The following FBXO41 variants were observed in gnomAD, a reference collection of about 807,000 sequenced individuals.
FBXO41 encodes F-box only protein 41.
A neutral mutation model predicts 81.6 loss-of-function variants in FBXO41; 33 were observed. The observed-to-expected ratio is 0.40, with a 90% confidence interval of 0.31 to 0.54. FBXO41 has a LOEUF of 0.54. FBXO41 is among the 20% of genes least tolerant of loss of function. The pLI, the probability that FBXO41 is intolerant of heterozygous loss-of-function variation, is 0.39. For synonymous variants in FBXO41, 576 were observed against 552.7 expected, an observed-to-expected ratio of 1.04 and a Z score of -0.59; for missense variants, 1,107 against 1,236.0, an observed-to-expected ratio of 0.90 and a Z score of 1.56.
intron 1 of FBXO41, among the ~76,000 whole-genome samples, chr2:73,271,755 C>T (rs1486610102): frequency 1.3e-5 from 2 of 152,008 alleles, no homozygotes; most frequent in Non-Finnish European, 1.5e-5. Context: ...CTCAGCCTCC[C>T]GAGTAGCTGG....
intron 1 of FBXO41, among the ~76,000 whole-genome samples, chr2:73,282,898 A>G (rs1312934055): frequency 6.6e-6 from 1 of 152,144 alleles, no homozygotes; most frequent in African/African-American, 2.4e-5. Flanking sequence ...CCACCTCCCC[A>G]TCACATTCAT....
chr2:73,274,478 T>C (rs1428292614), intron 1 of FBXO41, among the ~76,000 whole-genome samples: 1 of 152,256 alleles, frequency 6.6e-6, no homozygotes, highest in Non-Finnish European at 1.5e-5. Flanking sequence ...TTTATTGATA[T>C]ACTAGAGTTT....
chr2:73,264,424 G>T lies in FBXO41; in HGVS notation c.1660C>A (p.Arg554=). ...GTGAAGATGCAGAAGAGGGCAGCTC[G>T]CATCTTCAGGATCTCTGGGCTGATG... ...EVISPEILKM[R]AALFCIFTYL... is the part of the protein sequence containing the mutation. The change falls in exon 6 of 13, where the codon CGA becomes AGA. Residue 554 remains arginine (R), a synonymous_variant. Transcript: ENST00000520530. 1.9e-6 allele frequency: 3 copies of T among 1,613,964 alleles called. No individual in the cohort carries two copies. The African/African-American group carries it at 4.0e-5, about 22-fold the overall frequency.
Position 73,263,987 on chromosome 2 carries a change from G to A in FBXO41, c.1873C>T (p.Arg625Trp), listed in dbSNP as rs766156786. 4 of 1,605,742 alleles carry A rather than the reference G, an allele frequency of 2.5e-6. No homozygotes were observed. The highest frequency in any genetic ancestry group is 1.3e-5 in the African/African-American group (1 of 74,732). ...TTGCTCTCCTTCTTTCCCCGCTGCC[G>A]GGGCTTCAAGTTCTGCAGCGTCAGA... ...HSLTLQNLKP[R>W]QRGKKESKEE... The change falls in exon 7 of 13, where the codon CGG (arginine) becomes TGG (tryptophan). Residue 625 changes from arginine (R) to tryptophan (W), a missense_variant. Arg to Trp is a moderately radical substitution (Grantham distance 101, BLOSUM62 -3). Coordinates refer to ENST00000520530, the MANE Select transcript of FBXO41 (RefSeq NM_001371389.2).
chr2:73,264,291 C>A lies in FBXO41; in HGVS notation c.1793G>T (p.Arg598Leu). The change falls in exon 6 of 13, where the codon CGT becomes CTT. Residue 598 changes from arginine to leucine, a missense_variant. Physicochemically the swap from Arg to Leu is moderately radical, Grantham distance 102. Transcript: ENST00000520530. ...AGGGGCAGGTACCTTGGAGCAGACA[C>A]GGGCATTCTCAAGCAGCACCCTTGT... ...VWTRVLLENA[R>L]VCSKFLAMLA... is the part of the protein sequence containing the mutation. 2 of 1,613,426 alleles carry A rather than the reference C, an allele frequency of 1.2e-6. No individual in the cohort carries two copies. Among genetic ancestry groups the A allele is most frequent in the Non-Finnish European group, 8.5e-7 (1 of 1,179,880 alleles).
In FBXO41 at chr2:73,259,398, A is replaced by G; in HGVS notation, c.2450-102T>C. ...GAAATCAGACAATCAGGTGCCAGCT[A>G]CCGGGAACACGACAGAGGAGAGCAG... On this transcript the variant is annotated intron_variant, in intron 11 of 12. Transcript: ENST00000520530. The surrounding 1 kb of genome is among the most constrained non-coding windows in gnomAD (Gnocchi z 4.2). 1 of 984,356 alleles carries G rather than the reference A, an allele frequency of 1.0e-6. No individual in the cohort carries two copies. The highest frequency in any genetic ancestry group is 2.2e-4 in the Middle Eastern group (1 of 4,576). 61.0% of individuals were successfully genotyped at this position (984,356 alleles called of 1,614,324 possible). A position where few individuals can be genotyped will look rare whatever the true frequency, so the allele number is the denominator to read the frequency against.
intron 1 of FBXO41, among the ~76,000 whole-genome samples, chr2:73,270,453 C>T (rs1412563428): frequency 6.6e-6 from 1 of 152,204 alleles, no homozygotes; most frequent in Non-Finnish European, 1.5e-5. Flanking sequence ...CACCCCCACA[C>T]AGGCTGGAAC....
Position 73,265,382 on chromosome 2 carries a change from G to T in FBXO41, c.1464C>A (p.Asp488Glu), listed in dbSNP as rs375412839. ...CTGACTCAGTGGTTCGGGAGCCAACGTCGGAGACATCACCCTCTTCCCCCT... is the reference window on the plus strand; with the variant it reads ...CTGACTCAGTGGTTCGGGAGCCAACTTCGGAGACATCACCCTCTTCCCCCT... Reference protein sequence around the residue: ...STEGEEGDVSDVGSRTTESEA... With the variant: ...STEGEEGDVSEVGSRTTESEA... Residue 488 changes from aspartate to glutamate, a missense_variant, in exon 5 of 13, where the codon GAC becomes GAA. By Grantham distance (45) the Asp-to-Glu change is conservative. This residue lies in a region of FBXO41 where 771 missense variants were observed against 789.2 expected (regional missense o/e 0.98). Coordinates refer to ENST00000520530, the MANE Select transcript of FBXO41 (RefSeq NM_001371389.2). 2 of 1,611,494 alleles carry T rather than the reference G, an allele frequency of 1.2e-6. No individual in the cohort carries two copies. The highest frequency in any genetic ancestry group is 2.7e-5 in the African/African-American group (2 of 74,936).
At chr2:73,282,462 T>C (rs774689451) in intron 1 of FBXO41, among the ~76,000 whole-genome samples, 1 of 152,110 alleles carries the variant, frequency 6.6e-6, no homozygotes, top group Non-Finnish European at 1.5e-5. Flanking sequence ...TCCCAGCACT[T>C]CAGGAGGCTG....
At chr2:73,276,934 C>T (rs4852917) in intron 1 of FBXO41, among the ~76,000 whole-genome samples, 51 of 152,308 alleles carry the variant, frequency 3.3e-4, no homozygotes, top group Non-Finnish European at 6.0e-4. Flanking sequence ...AGCCTGGTGT[C>T]AGGGTATCTG....
intron 9 of FBXO41, among the ~76,000 whole-genome samples, chr2:73,261,373 C>T (rs550968635): frequency 2.6e-5 from 4 of 152,192 alleles, no homozygotes; most frequent in African/African-American, 9.6e-5. Flanking sequence ...TACTCTTGAA[C>T]CCACAGTTCA....
intron 1 of FBXO41, among the ~76,000 whole-genome samples, chr2:73,280,192 A>T (rs1670926650): frequency 6.6e-6 from 1 of 151,812 alleles, no homozygotes; most frequent in African/African-American, 2.4e-5. Context: ...GATCTCATCA[A>T]TCACTGATTT....
chr2:73,260,563 A>G lies in FBXO41; in HGVS notation c.2291-16T>C. 6.3e-7 allele frequency: 1 copy of G among 1,577,212 alleles called. No individual in the cohort carries two copies. The highest frequency in any genetic ancestry group is 8.6e-7 in the Non-Finnish European group (1 of 1,161,990). On this transcript the variant is annotated splice_polypyrimidine_tract_variant and intron_variant, in intron 10 of 12. Transcript: ENST00000520530. The surrounding 1 kb of genome is among the most constrained non-coding windows in gnomAD (Gnocchi z 5.0). ...CAGTTTCTCGCTAGGAAGAGGAAGA[A>G]GGGGGATCCTGCTGACACACTCCCC...
chr2:73,270,966 T>C (rs1688473861), intron 1 of FBXO41: 4 of 532,974 alleles, frequency 7.5e-6, no homozygotes, highest in Non-Finnish European at 1.5e-5. Flanking sequence ...GACCCCTCCA[T>C]CTTCACAGCT....
chr2:73,264,264 G>A lies in FBXO41; in HGVS notation c.1806+14C>T, dbSNP rs756944775. Reference sequence around the variant, plus strand: ...GTTCACAGCAGGGCACAGAAGGCAGGCAGGGGCAGGTACCTTGGAGCAGAC... The same window carrying A: ...GTTCACAGCAGGGCACAGAAGGCAGACAGGGGCAGGTACCTTGGAGCAGAC... On this transcript the variant is annotated intron_variant, in intron 6 of 12. Coordinates refer to ENST00000520530, the MANE Select transcript of FBXO41 (RefSeq NM_001371389.2). 6.2e-7 allele frequency: 1 copy of A among 1,613,146 alleles called. No individual in the cohort carries two copies. Among genetic ancestry groups the A allele is most frequent in the Middle Eastern group, 1.7e-4 (1 of 6,058 alleles).
At chr2:73,265,179 T>C in intron 5 of FBXO41, 103 bp downstream of exon 5, 1 of 1,119,386 alleles carries the variant, frequency 8.9e-7, no homozygotes, top group South Asian at 1.6e-5. Flanking sequence ...GGGCGCTATG[T>C]AGGAGGGGTG....
At chr2:73,283,587 A>T (rs1688909378) in intron 1 of FBXO41, among the ~76,000 whole-genome samples, 1 of 152,116 alleles carries the variant, frequency 6.6e-6, no homozygotes, top group Admixed American at 6.5e-5. Flanking sequence ...ACACACACTC[A>T]CATGCAAGGC....
At chr2:73,277,516 G>T (rs912763518) in intron 1 of FBXO41, among the ~76,000 whole-genome samples, 3 of 152,014 alleles carry the variant, frequency 2.0e-5, no homozygotes, top group African/African-American at 7.3e-5. Context: ...TCCTTTTTTG[G>T]CCTGGCCCTG....
chr2:73,278,605 A>T (rs1291188889), intron 1 of FBXO41, among the ~76,000 whole-genome samples: 1 of 152,246 alleles, frequency 6.6e-6, no homozygotes, highest in African/African-American at 2.4e-5. Flanking sequence ...GTATACAATT[A>T]TGAAATAAAC....
Sources: gnomAD v4.1 joint callset for allele counts (sites outside exome capture counted in the v4.1 genomes callset) on GRCh38, gnomAD v4.1.1 for gene constraint, gnomAD v4.1.1 regional missense constraint, Gnocchi (gnomAD v3.1) non-coding constraint, MANE v1.5 for transcripts, NCBI Gene and HGNC (gene_info 2026-07-23, HGNC 2026-07-21) for gene names.